Variants in SP4 observed in about 807,000 individuals in gnomAD.
SP4 encodes the protein transcription factor Sp4.
Under a neutral mutation model 72.8 loss-of-function variants are expected in SP4, and 19 were observed. The ratio of observed to expected loss-of-function variants is 0.26; its 90% CI spans 0.18 to 0.38. The LOEUF is 0.38. Ranked by LOEUF, SP4 falls within the 10% of genes least tolerant of loss-of-function variation. SP4 has a pLI of 1.00. For missense variants in SP4, 1,008 were observed against 926.3 expected (o/e 1.09, Z -1.14); for synonymous variants, 395 against 333.1 (o/e 1.19, Z -2.02).
At chr7:21,442,950 G>C (rs975984548) in intron 3 of SP4, among the ~76,000 whole-genome samples, 2 of 152,186 alleles carry the variant, frequency 1.3e-5, no homozygotes, top group Non-Finnish European at 2.9e-5. Context: ...TGGCCAGGCT[G>C]TTCTTGAACT....
Position 21,430,048 on chromosome 7 carries a change from TC to T in SP4, c.885del (p.Asn296MetfsTer5), listed in dbSNP as rs749116555. 6.2e-7 allele frequency: 1 copy of T among 1,614,148 alleles called. No individual in the cohort carries two copies. The highest frequency in any genetic ancestry group is 8.5e-7 in the Non-Finnish European group (1 of 1,180,022). The stretch of plus-strand genomic sequence containing the variant: ...TGCTGCTACTGCTGATAGTGGGACT[TC>T]CAATGGGAATCAATTAGTTTCCACA... Reference protein sequence around the residue: ...QPAATADSGTSNGNQLVSTPT... With the variant: ...QPAATADSGTXNGNQLVSTPT... On this transcript the variant is annotated frameshift_variant, in exon 3 of 6. Coordinates refer to ENST00000222584, the MANE Select transcript of SP4 (RefSeq NM_003112.5). LOFTEE classifies it high-confidence loss of function.
chr7:21,466,765 A>G (rs987768808), intron 3 of SP4, among the ~76,000 whole-genome samples: 3 of 151,806 alleles, frequency 2.0e-5, no homozygotes, highest in Admixed American at 1.3e-4. Flanking sequence ...TTTGTAATTA[A>G]TAAGCATAAT....
intron 5 of SP4, among the ~76,000 whole-genome samples, chr7:21,498,447 T>C (rs1176168904): frequency 6.6e-6 from 1 of 152,158 alleles, no homozygotes; most frequent in Non-Finnish European, 1.5e-5. Flanking sequence ...TGTAGGGTAC[T>C]CATGAAAAGA....
chr7:21,458,212 G>A (rs1783835560), intron 3 of SP4, among the ~76,000 whole-genome samples: 1 of 151,944 alleles, frequency 6.6e-6, no homozygotes. Flanking sequence ...GGTGGGGTGG[G>A]GATGGAGTCT....
rs925178574 is a variant in SP4, at chr7:21,511,252, A to G, written c.2338A>G (p.Asn780Asp). 4 of 1,613,890 alleles carry G rather than the reference A, an allele frequency of 2.5e-6. No homozygotes were observed. The highest frequency in any genetic ancestry group is 3.3e-5 in the Admixed American group (2 of 59,982). The change falls in exon 6 of 6, where the codon AAC (asparagine) becomes GAC (aspartate). Residue 780 changes from asparagine to aspartate, a missense_variant. By Grantham distance (23) the Asn-to-Asp change is conservative. Coordinates refer to ENST00000222584, the MANE Select transcript of SP4 (RefSeq NM_003112.5). ...TCCAGCAACTCCCAATGTTTCAACCAACATGGAAGAATTCTGAAAAGTTAT... is the reference window on the plus strand; with the variant it reads ...TCCAGCAACTCCCAATGTTTCAACCGACATGGAAGAATTCTGAAAAGTTAT... ...SNPATPNVST[N>D]MEEF is the part of the protein sequence containing the mutation.
At chr7:21,468,649 A>G (rs572544999) in intron 3 of SP4, among the ~76,000 whole-genome samples, 129 of 151,416 alleles carry the variant, frequency 8.5e-4, no homozygotes, top group African/African-American at 2.9e-3. Context: ...TGATTTTTCT[A>G]TAGTTTTCTA....
In SP4 at chr7:21,429,602, C is replaced by T. The variant is rs770950736; in HGVS notation, c.437C>T (p.Ser146Phe). ...SPTKTKSGNS[S>F]TPGQFQVIQV... ...ACAAAAACTAAATCAGGTAATTCTT[C>T]CACCCCTGGTCAATTTCAAGTCATA... The change falls in exon 3 of 6, where the codon TCC becomes TTC. Residue 146 changes from serine (S) to phenylalanine (F), a missense_variant. Transcript: ENST00000222584. 23 of 1,614,066 alleles carry T rather than the reference C, an allele frequency of 1.4e-5. 1 individual carries two copies. In the Admixed American group the frequency reaches 2.8e-4, roughly 20 times the overall value.
At chr7:21,495,357 T>C (rs150907616) in intron 5 of SP4, among the ~76,000 whole-genome samples, 41 of 152,242 alleles carry the variant, frequency 2.7e-4, no homozygotes, top group African/African-American at 8.9e-4. Flanking sequence ...GACAAAGTGC[T>C]TTTATGCTGA....
intron 5 of SP4, among the ~76,000 whole-genome samples, chr7:21,492,630 T>C (rs1428905294): frequency 6.6e-6 from 1 of 152,066 alleles, no homozygotes. Flanking sequence ...AAACAGACAA[T>C]TTAAAAACAG....
At chr7:21,490,173 C>G (rs1361999193) in intron 5 of SP4, among the ~76,000 whole-genome samples, 1 of 152,156 alleles carries the variant, frequency 6.6e-6, no homozygotes, top group African/African-American at 2.4e-5. Context: ...GAAGTGAAAA[C>G]TTGAATTTGA....
At chr7:21,428,299 CCT>C (rs1368634512) in intron 1 of SP4, 41 bp downstream of exon 1, 2 of 1,149,294 alleles carry the variant, frequency 1.7e-6, no homozygotes, top group African/African-American at 1.5e-5. Flanking sequence ...TCGCCGCCTC[CCT>C]CTCTCCCTCC....
intron 5 of SP4, 124 bp downstream of exon 5, chr7:21,482,247 A>G (rs1784708783): frequency 5.8e-6 from 4 of 694,536 alleles, no homozygotes; most frequent in South Asian, 3.8e-5. Context: ...TACTTTAGCA[A>G]TTATATGGAA....
intron 3 of SP4, among the ~76,000 whole-genome samples, chr7:21,457,102 C>G (rs1409121537): frequency 6.6e-6 from 1 of 152,152 alleles, no homozygotes; most frequent in South Asian, 2.1e-4. Context: ...TATCTGCTCC[C>G]CAGGGAGCCT....
chr7:21,451,945 G>T (rs1293709310), intron 3 of SP4, among the ~76,000 whole-genome samples: 2 of 152,154 alleles, frequency 1.3e-5, no homozygotes, highest in Admixed American at 1.3e-4. Context: ...TGGGTGCGTG[G>T]GGTTGCTAAC....
chr7:21,485,980 A>G (rs1784802925), intron 5 of SP4, among the ~76,000 whole-genome samples: 1 of 151,962 alleles, frequency 6.6e-6, no homozygotes, highest in South Asian at 2.1e-4. Context: ...CGTTGCTGGA[A>G]AACGTGCTGA....
At chr7:21,474,316 A>T (rs953375140) in intron 3 of SP4, among the ~76,000 whole-genome samples, 1 of 152,250 alleles carries the variant, frequency 6.6e-6, no homozygotes, top group South Asian at 2.1e-4. Flanking sequence ...AATCACGGCC[A>T]AAAATACCTG....
chr7:21,470,710 C>T (rs1039055696), intron 3 of SP4, among the ~76,000 whole-genome samples: 2 of 145,932 alleles, frequency 1.4e-5, no homozygotes, highest in Non-Finnish European at 3.0e-5. Flanking sequence ...TACCAACAAA[C>T]TGTCCCCCTC....
intron 5 of SP4, among the ~76,000 whole-genome samples, chr7:21,488,493 T>TC (rs1400019661): frequency 1.3e-5 from 2 of 151,730 alleles, no homozygotes; most frequent in East Asian, 3.9e-4. Flanking sequence ...TTTTTTTTTT[T>TC]TGTTATTGTA....
chr7:21,486,626 AGT>A (rs2128412326), intron 5 of SP4, among the ~76,000 whole-genome samples: 1 of 152,274 alleles, frequency 6.6e-6, no homozygotes, highest in Admixed American at 6.5e-5. Flanking sequence ...ATAGCACATT[AGT>A]GTCTTTCTCT....
Sources: allele counts gnomAD v4.1 joint callset (sites outside exome capture counted in the v4.1 genomes callset), GRCh38; gene constraint gnomAD v4.1.1; transcripts MANE v1.5; gene names NCBI Gene and HGNC (gene_info 2026-07-23, HGNC 2026-07-21).